Variants in PALS2 observed in about 807,000 individuals in gnomAD.
PALS2 encodes the protein protein PALS2.
Under a neutral mutation model 61.6 loss-of-function variants are expected in PALS2, and 27 were observed. The observed-to-expected ratio is 0.44, with a 90% CI of 0.32 to 0.60. The LOEUF (loss-of-function observed/expected upper bound fraction) is 0.60, where lower values mean the gene tolerates loss of function less well. PALS2 is among the 20% of genes least tolerant of loss of function. The pLI is 0.05. For synonymous variants in PALS2, 236 were observed against 218.6 expected (o/e 1.08, Z -0.70); for missense variants, 554 against 639.4 (o/e 0.87, Z 1.44).
intron 5 of PALS2, among the ~76,000 whole-genome samples, chr7:24,656,526 TTCTC>T (rs1349852021): frequency 6.6e-6 from 1 of 151,974 alleles, no homozygotes; most frequent in African/African-American, 2.4e-5. Context: ...GTCCATTTCT[TTCTC>T]TTTTTTTTTG....
At chr7:24,614,763 C>G (rs567055987) in intron 1 of PALS2, among the ~76,000 whole-genome samples, 1 of 151,982 alleles carries the variant, frequency 6.6e-6, no homozygotes, top group African/African-American at 2.4e-5. Flanking sequence ...AACATTTCAC[C>G]CAACAGCTGC....
chr7:24,680,251 A>G lies in PALS2; in HGVS notation c.1318-141A>G, dbSNP rs113283365. On this transcript the variant is annotated intron_variant, in intron 10 of 11. Coordinates refer to ENST00000222644, the MANE Select transcript of PALS2 (RefSeq NM_001303037.2). ...TTAAGAAAGTACTATATGGAATGAGAAGGACAGAACAGGGATAAGTATTAA... is the reference window on the plus strand; with the variant it reads ...TTAAGAAAGTACTATATGGAATGAGGAGGACAGAACAGGGATAAGTATTAA... 578 of 744,120 alleles carry G rather than the reference A, an allele frequency of 7.8e-4. 3 individuals are homozygous for G. In the African/African-American group the frequency reaches 9.5e-3, roughly 12 times the overall value. 46.1% of individuals were successfully genotyped at this position (744,120 alleles called of 1,614,324 possible). A position where few individuals can be genotyped will look rare whatever the true frequency, so the allele number is the denominator to read the frequency against.
chr7:24,619,090 G>A (rs559245576), intron 1 of PALS2, among the ~76,000 whole-genome samples: 9 of 151,906 alleles, frequency 5.9e-5, no homozygotes, highest in Non-Finnish European at 8.8e-5. Flanking sequence ...CCTTTTATTC[G>A]TTTCTGGATT....
intron 1 of PALS2, among the ~76,000 whole-genome samples, chr7:24,583,606 G>C (rs1042974787): frequency 5.3e-5 from 8 of 150,306 alleles, no homozygotes; most frequent in African/African-American, 2.0e-4. Context: ...CATTTTTGAG[G>C]ATATCTTATT....
chr7:24,587,551 A>G (rs7800356), intron 1 of PALS2, among the ~76,000 whole-genome samples: 9,408 of 138,536 alleles, frequency 0.068, 348 homozygotes, highest in African/African-American at 0.1. Flanking sequence ...TTTTTTTTTA[A>G]TGTTTTTAGA....
intron 3 of PALS2, among the ~76,000 whole-genome samples, chr7:24,646,908 C>G (rs79684470): frequency 2.3e-4 from 35 of 151,954 alleles, no homozygotes; most frequent in African/African-American, 7.5e-4. Context: ...GAATTTATCT[C>G]TCTTCTAGGT....
At chr7:24,642,006 A>G (rs902799954) in intron 3 of PALS2, 138 bp downstream of exon 3, 2 of 872,328 alleles carry the variant, frequency 2.3e-6, no homozygotes, top group Non-Finnish European at 3.6e-6. Context: ...CAACCTTGGT[A>G]TTTTAATGTC....
At position 24,691,378 on chromosome 7, in the gene PALS2, A is replaced by G. The variant is rs558066787; in HGVS notation, c.*3764A>G. The G allele has an allele frequency of 4.2e-5, 5 of 119,316 alleles. No homozygotes were observed. Among genetic ancestry groups the G allele is most frequent in the African/African-American group, 1.0e-4 (3 of 28,850 alleles). 7.4% of individuals were successfully genotyped at this position (119,316 alleles called of 1,614,324 possible). A position where few individuals can be genotyped will look rare whatever the true frequency, so the allele number is the denominator to read the frequency against. ...TCATTTTTTAAATGTTCGAGTTGCC[A>G]TATATTATGTATGTGTGTGTGTGTG... is the stretch of plus-strand genomic sequence containing the variant. On this transcript the variant is annotated 3_prime_UTR_variant, in exon 12 of 12. Coordinates refer to ENST00000222644, the MANE Select transcript of PALS2 (RefSeq NM_001303037.2).
intron 1 of PALS2, among the ~76,000 whole-genome samples, chr7:24,617,810 G>C (rs1009071546): frequency 2.0e-5 from 3 of 152,178 alleles, no homozygotes; most frequent in Admixed American, 6.5e-5. Context: ...CCATGGGGCT[G>C]TTACTCTGGC....
At chr7:24,662,768 GAAAAAAAAA>G (rs59367702) in intron 5 of PALS2, among the ~76,000 whole-genome samples, 33 of 102,640 alleles carry the variant, frequency 3.2e-4, no homozygotes, top group East Asian at 6.6e-4. Context: ...GACTCCATCT[GAAAAAAAAA>G]AAAAAAAAAA....
intron 2 of PALS2, among the ~76,000 whole-genome samples, chr7:24,634,632 G>C (rs1028657480): frequency 1.3e-5 from 2 of 152,128 alleles, no homozygotes; most frequent in Non-Finnish European, 2.9e-5. Flanking sequence ...CTAAATCCAT[G>C]GTCATGAAGA....
At chr7:24,589,305 A>G (rs1314600135) in intron 1 of PALS2, 1 of 152,192 alleles carries the variant, frequency 6.6e-6, no homozygotes, top group Non-Finnish European at 1.5e-5. Flanking sequence ...GCTAAGTGAT[A>G]TACTCTGGAG....
At chr7:24,665,469 T>C in intron 6 of PALS2, 119 bp from the exon 7 acceptor site, 1 of 777,850 alleles carries the variant, frequency 1.3e-6, no homozygotes, top group Non-Finnish European at 2.1e-6. Flanking sequence ...GATTTAAATC[T>C]CAAGGTTGTT....
intron 1 of PALS2, among the ~76,000 whole-genome samples, chr7:24,621,912 C>G (rs1306059954): frequency 6.6e-6 from 1 of 151,942 alleles, no homozygotes; most frequent in Non-Finnish European, 1.5e-5. Context: ...CATATGTTGT[C>G]CCAGCACCAG....
intron 1 of PALS2, among the ~76,000 whole-genome samples, chr7:24,594,323 T>C (rs553359895): frequency 6.6e-6 from 1 of 152,256 alleles, no homozygotes; most frequent in Non-Finnish European, 1.5e-5. Context: ...TCATCAATAA[T>C]GCTGTTTTGC....
At chr7:24,626,171 C>G (rs1784734728) in intron 2 of PALS2, among the ~76,000 whole-genome samples, 1 of 151,796 alleles carries the variant, frequency 6.6e-6, no homozygotes, top group East Asian at 1.9e-4. Context: ...AAAAAATAAT[C>G]AAATGAACAT....
intron 1 of PALS2, among the ~76,000 whole-genome samples, chr7:24,588,695 C>T (rs1389947295): frequency 1.3e-5 from 2 of 152,140 alleles, no homozygotes; most frequent in African/African-American, 4.8e-5. Context: ...CGTATAACAG[C>T]TACATACAAA....
intron 2 of PALS2, among the ~76,000 whole-genome samples, chr7:24,633,060 C>T (rs1030369791): frequency 2.0e-5 from 3 of 152,044 alleles, no homozygotes; most frequent in African/African-American, 4.8e-5. Flanking sequence ...TATTCATAAG[C>T]TATAATAATC....
intron 2 of PALS2, among the ~76,000 whole-genome samples, chr7:24,632,546 C>A (rs1050621891): frequency 1.3e-5 from 2 of 151,974 alleles, no homozygotes; most frequent in Non-Finnish European, 2.9e-5. Flanking sequence ...ATTACAGGCA[C>A]GCCCAGCTTA....
Sources: gnomAD v4.1 joint callset for allele counts (sites outside exome capture counted in the v4.1 genomes callset) on GRCh38, gnomAD v4.1.1 for gene constraint, MANE v1.5 for transcripts, NCBI Gene and HGNC (gene_info 2026-07-23, HGNC 2026-07-21) for gene names.